MYH10: variants seen among roughly 807,000 people sequenced by gnomAD.
MYH10 encodes the protein myosin-10.
MYH10 carries 55 observed loss-of-function variants against 257.8 expected under a neutral mutation model. That is an observed-to-expected ratio of 0.21 (90% CI 0.17 to 0.27). The LOEUF (loss-of-function observed/expected upper bound fraction) is 0.27. MYH10 is among the 10% of genes least tolerant of loss of function. The pLI, the probability that MYH10 is intolerant of heterozygous loss-of-function variation, is 1.00. For synonymous variants in MYH10, 854 were observed against 921.7 expected (o/e 0.93, Z 1.33); for missense variants, 1,631 against 2,500.6 (o/e 0.65, Z 7.42).
intron 7 of MYH10, chr17:8,560,381 G>A (rs2082948266): frequency 7.0e-6 from 2 of 283,884 alleles, no homozygotes; most frequent in Non-Finnish European, 1.4e-5. Context: ...ACCTTCACGG[G>A]ACATTAAAAT....
chr17:8,516,312 G>T (rs1235848570), intron 21 of MYH10, among the ~76,000 whole-genome samples: 1 of 152,204 alleles, frequency 6.6e-6, no homozygotes, highest in Non-Finnish European at 1.5e-5. Flanking sequence ...TTTCTGTAAA[G>T]ATACCTATTA....
intron 28 of MYH10, among the ~76,000 whole-genome samples, chr17:8,503,082 C>T (rs1241920538): frequency 2.0e-5 from 3 of 151,990 alleles, no homozygotes; most frequent in East Asian, 1.9e-4. Flanking sequence ...CGGGAGTTTG[C>T]GACCAGCCTG....
chr17:8,498,955 A>G (rs779005265), intron 30 of MYH10, among the ~76,000 whole-genome samples: 11 of 152,316 alleles, frequency 7.2e-5, no homozygotes, highest in South Asian at 2.1e-4. Flanking sequence ...TTTTTGGCCC[A>G]TTGTTCCTAT....
At chr17:8,497,617 T>C (rs1258755437) in intron 30 of MYH10, among the ~76,000 whole-genome samples, 1 of 151,550 alleles carries the variant, frequency 6.6e-6, no homozygotes, top group Non-Finnish European at 1.5e-5. Context: ...CGGGTGCCTG[T>C]AGTCCCAGCT....
chr17:8,529,931 T>C (rs2081963402), intron 17 of MYH10, among the ~76,000 whole-genome samples: 1 of 152,204 alleles, frequency 6.6e-6, no homozygotes, highest in South Asian at 2.1e-4. Flanking sequence ...GGGCTGAGGA[T>C]TCAGATCACA....
chr17:8,506,536 C>T lies in MYH10; in HGVS notation c.3215-47G>A. The T allele has an allele frequency of 6.4e-7, 1 of 1,571,372 alleles. No homozygotes were observed. The highest frequency in any genetic ancestry group is 8.6e-7 in the Non-Finnish European group (1 of 1,160,706). On this transcript the variant is annotated intron_variant, in intron 26 of 42. Transcript: ENST00000360416. The surrounding 1 kb of genome is among the most constrained non-coding windows in gnomAD (Gnocchi z 5.0). ...GCTCTTCAACACACCGAGTGACTCA[C>T]CACAGGAATAAACTAAAATACAGAC...
chr17:8,494,948 G>A (rs2151827039), intron 31 of MYH10, among the ~76,000 whole-genome samples, 189 bp downstream of exon 31: 1 of 152,306 alleles, frequency 6.6e-6, no homozygotes, highest in Middle Eastern at 3.4e-3. Context: ...CGAACCCCAG[G>A]GGCTCTACAT....
At chr17:8,493,213 G>T (rs901468399) in intron 32 of MYH10, among the ~76,000 whole-genome samples, 189 bp from the exon 33 acceptor site, 1 of 151,932 alleles carries the variant, frequency 6.6e-6, no homozygotes, top group Non-Finnish European at 1.5e-5. Context: ...TACAAAAATC[G>T]CCTGTCTGTA....
chr17:8,525,763 T>TA (rs1027124975), intron 17 of MYH10, among the ~76,000 whole-genome samples: 1 of 152,022 alleles, frequency 6.6e-6, no homozygotes, highest in Non-Finnish European at 1.5e-5. Context: ...ATATTCAGAT[T>TA]AAAAAAAATA....
intron 7 of MYH10, among the ~76,000 whole-genome samples, chr17:8,563,377 A>G (rs2083058465): frequency 6.6e-6 from 1 of 152,228 alleles, no homozygotes; most frequent in Admixed American, 6.5e-5. Flanking sequence ...TTAGAAAGAG[A>G]TATATATTAA....
At chr17:8,577,409 A>C (rs993259934) in intron 4 of MYH10, 71 bp from the exon 5 acceptor site, 4 of 812,124 alleles carry the variant, frequency 4.9e-6, no homozygotes, top group Non-Finnish European at 8.0e-6. Context: ...TACAACTGAT[A>C]AAATTAAATT....
chr17:8,534,387 C>G (rs762376371), intron 16 of MYH10, among the ~76,000 whole-genome samples: 7 of 152,182 alleles, frequency 4.6e-5, no homozygotes, highest in East Asian at 1.9e-4. Flanking sequence ...TGCATCCCCC[C>G]CTGCAGCTCC....
At chr17:8,595,076 C>T (rs539798573) in intron 3 of MYH10, among the ~76,000 whole-genome samples, 2 of 152,204 alleles carry the variant, frequency 1.3e-5, no homozygotes, top group Admixed American at 1.3e-4. Flanking sequence ...TGGACTATTA[C>T]TCAGCACTAA....
rs577295145 is a variant in MYH10, at chr17:8,549,138, T to C, written c.920-351A>G. 5.3e-5 allele frequency among the ~76,000 whole-genome samples: 8 copies of C among 152,358 alleles called. No homozygotes were observed. In the South Asian group the frequency reaches 1.4e-3, roughly 28 times the overall value. On this transcript the variant is annotated intron_variant, in intron 9 of 42. Coordinates refer to ENST00000360416, the MANE Select transcript of MYH10 (RefSeq NM_001256012.3). ...TTTTCAGATTTAAATATTTTAGCCC[T>C]CTTTTTTGAAGGAAAGCTTTTAAAC... is the stretch of plus-strand genomic sequence containing the variant.
At chr17:8,484,114 C>G in intron 37 of MYH10, 24 bp downstream of exon 37, 2 of 1,126,152 alleles carry the variant, frequency 1.8e-6, no homozygotes, top group Non-Finnish European at 2.3e-6. Context: ...ATTTGTTGAA[C>G]AAATGGATAA....
chr17:8,567,739 C>G (rs1218225455), intron 7 of MYH10, among the ~76,000 whole-genome samples: 1 of 152,170 alleles, frequency 6.6e-6, no homozygotes, highest in Non-Finnish European at 1.5e-5. Context: ...AGCAAGAGAA[C>G]TAACATAACC....
chr17:8,553,461 T>C (rs1175109530), intron 8 of MYH10, among the ~76,000 whole-genome samples: 2 of 152,236 alleles, frequency 1.3e-5, no homozygotes, highest in African/African-American at 4.8e-5. Flanking sequence ...TGCATACACA[T>C]ATATAAACCT....
chr17:8,591,644 G>A (rs919900134), intron 3 of MYH10, among the ~76,000 whole-genome samples: 23 of 152,016 alleles, frequency 1.5e-4, no homozygotes, highest in African/African-American at 5.6e-4. Context: ...AACCCAAATC[G>A]AATTGCCTCC....
At chr17:8,565,647 C>T (rs1159273461) in intron 7 of MYH10, among the ~76,000 whole-genome samples, 2 of 152,204 alleles carry the variant, frequency 1.3e-5, no homozygotes, top group African/African-American at 4.8e-5. Context: ...AACAAATCAG[C>T]TTTTACTATA....
Sources: allele counts gnomAD v4.1 joint callset (sites outside exome capture counted in the v4.1 genomes callset), GRCh38; gene constraint gnomAD v4.1.1; non-coding constraint Gnocchi (gnomAD v3.1); transcripts MANE v1.5; gene names NCBI Gene and HGNC (gene_info 2026-07-23, HGNC 2026-07-21).